DNAJC3: variants seen among roughly 807,000 people sequenced by gnomAD.
DNAJC3 encodes dnaJ homolog subfamily C member 3.
DNAJC3 carries 38 observed loss-of-function variants against 68.6 expected under a neutral mutation model. The observed-to-expected ratio is 0.55, with a 90% CI of 0.43 to 0.73. The LOEUF is 0.73. Among genes scored for constraint, DNAJC3 ranks in the 30% least tolerant of loss-of-function variants. The pLI, the probability that DNAJC3 is intolerant of heterozygous loss-of-function variation, is 0.00. For synonymous variants in DNAJC3, 203 were observed against 204.0 expected (o/e 1.00, Z 0.04); for missense variants, 526 against 591.9 (o/e 0.89, Z 1.16).
At chr13:95,789,068 G>A (rs182654552) in intron 11 of DNAJC3, among the ~76,000 whole-genome samples, 10 of 152,318 alleles carry the variant, frequency 6.6e-5, no homozygotes, top group Non-Finnish European at 1.5e-5. Flanking sequence ...AGAGAGCAAA[G>A]CGAGACTTGG....
intron 1 of DNAJC3, 42 bp downstream of exon 1, chr13:95,677,379 C>G: frequency 6.5e-7 from 1 of 1,540,856 alleles, no homozygotes; most frequent in Non-Finnish European, 8.8e-7. Context: ...GGCTCCCGGA[C>G]CAGGCCCCCC....
intron 9 of DNAJC3, among the ~76,000 whole-genome samples, chr13:95,781,370 C>T (rs545949398): frequency 4.6e-5 from 7 of 152,064 alleles, no homozygotes; most frequent in Non-Finnish European, 7.3e-5. Flanking sequence ...TGAGGGTCCT[C>T]GGCCAAAGAT....
At chr13:95,693,279 T>C (rs1285259234) in intron 1 of DNAJC3, 1 of 152,258 alleles carries the variant, frequency 6.6e-6, no homozygotes, top group African/African-American at 2.4e-5. Flanking sequence ...CTTACAGGTA[T>C]GCCTTTCCTA....
intron 1 of DNAJC3, among the ~76,000 whole-genome samples, chr13:95,706,573 G>A (rs373252907): frequency 1.4e-4 from 21 of 152,300 alleles, no homozygotes; most frequent in East Asian, 1.4e-3. Context: ...AGTGGTTAGG[G>A]TGTGTCTTGA....
At chr13:95,747,073 C>A (rs527954670) in intron 4 of DNAJC3, among the ~76,000 whole-genome samples, 6 of 152,132 alleles carry the variant, frequency 3.9e-5, no homozygotes, top group Admixed American at 6.5e-5. Flanking sequence ...AAAAAAGCAA[C>A]GATAAATTTA....
intron 1 of DNAJC3, among the ~76,000 whole-genome samples, chr13:95,699,791 T>G (rs746866740): frequency 6.6e-6 from 1 of 152,226 alleles, no homozygotes; most frequent in Admixed American, 6.5e-5. Flanking sequence ...TCTGTTTGTA[T>G]TACATTTCTC....
At chr13:95,741,307 C>T (rs1566494151) in intron 4 of DNAJC3, among the ~76,000 whole-genome samples, 1 of 152,102 alleles carries the variant, frequency 6.6e-6, no homozygotes, top group East Asian at 1.9e-4. Context: ...AGTATAGTCT[C>T]CATATAATTT....
intron 2 of DNAJC3, among the ~76,000 whole-genome samples, chr13:95,716,446 TAGTC>T (rs892788953): frequency 4.7e-4 from 71 of 152,196 alleles, no homozygotes; most frequent in Admixed American, 6.5e-4. Flanking sequence ...CGGCTTGTGT[TAGTC>T]AGCTCAGTAG....
At chr13:95,764,404 G>A in intron 9 of DNAJC3, among the ~76,000 whole-genome samples, 1 of 145,642 alleles carries the variant, frequency 6.9e-6, no homozygotes, top group African/African-American at 2.6e-5. Flanking sequence ...TACTCGGTGT[G>A]TATAAAACAT....
intron 4 of DNAJC3, among the ~76,000 whole-genome samples, chr13:95,738,266 G>A (rs1265027222): frequency 1.3e-5 from 2 of 150,488 alleles, no homozygotes; most frequent in African/African-American, 2.5e-5. Flanking sequence ...TTTGGAATAG[G>A]TGTTGTGTGG....
intron 9 of DNAJC3, among the ~76,000 whole-genome samples, chr13:95,779,624 A>T (rs1883394867): frequency 6.6e-6 from 1 of 151,784 alleles, no homozygotes; most frequent in Non-Finnish European, 1.5e-5. Flanking sequence ...TGTCTATGAT[A>T]GTTTTGATTT....
chr13:95,789,549 C>G (rs1883703667), intron 11 of DNAJC3, among the ~76,000 whole-genome samples: 1 of 151,976 alleles, frequency 6.6e-6, no homozygotes, highest in Non-Finnish European at 1.5e-5. Context: ...TTTATCCAGT[C>G]TATCATTGAT....
At chr13:95,734,679 G>A (rs9590320) in intron 4 of DNAJC3, among the ~76,000 whole-genome samples, 6,850 of 152,094 alleles carry the variant, frequency 0.045, 295 homozygotes, top group East Asian at 0.14. Flanking sequence ...ACTTTATGGA[G>A]TTCTGTGTGT....
intron 1 of DNAJC3, chr13:95,693,699 A>G (rs1008807330): frequency 1.3e-5 from 2 of 152,158 alleles, no homozygotes; most frequent in African/African-American, 4.8e-5. Context: ...TTAGTCTTCT[A>G]ACTAATAATC....
intron 9 of DNAJC3, among the ~76,000 whole-genome samples, 186 bp from the exon 10 acceptor site, chr13:95,785,753 T>C (rs1438726813): frequency 2.0e-5 from 3 of 151,900 alleles, no homozygotes; most frequent in African/African-American, 7.3e-5. Context: ...CATGAGCCCC[T>C]GTGCCCGGCC....
rs144678713 is a variant in DNAJC3 at position 95,789,275 on chromosome 13, A to T, written c.1358-1598A>T. 4.5e-3 allele frequency among the ~76,000 whole-genome samples: 691 copies of T among 152,146 alleles called. 4 individuals are homozygous for T. The highest frequency in any genetic ancestry group is 0.016 in the African/African-American group (666 of 41,512). ...CACCCAGGTATTAAGTCTAGAACCC[A>T]TTAGTTATTATTCCTGATCCTCTCC... On this transcript the variant is annotated intron_variant, in intron 11 of 11. Coordinates refer to ENST00000602402, the MANE Select transcript of DNAJC3 (RefSeq NM_006260.5).
At chr13:95,748,557 T>A (rs1174386754) in intron 4 of DNAJC3, among the ~76,000 whole-genome samples, 1 of 152,240 alleles carries the variant, frequency 6.6e-6, no homozygotes, top group Middle Eastern at 3.2e-3. Flanking sequence ...GGCTCACGCC[T>A]GTAATCCCAG....
chr13:95,767,942 C>T (rs1231936569), intron 9 of DNAJC3, among the ~76,000 whole-genome samples: 1 of 151,408 alleles, frequency 6.6e-6, no homozygotes, highest in Admixed American at 6.6e-5. Context: ...TGACCTCATG[C>T]GATCCACCCG....
chr13:95,768,931 C>T (rs1293011716), intron 9 of DNAJC3, among the ~76,000 whole-genome samples: 2 of 152,196 alleles, frequency 1.3e-5, no homozygotes, highest in Non-Finnish European at 2.9e-5. Context: ...GCCGAGATCA[C>T]GCCATTGCAT....
Sources: allele counts gnomAD v4.1 joint callset (sites outside exome capture counted in the v4.1 genomes callset), GRCh38; gene constraint gnomAD v4.1.1; transcripts MANE v1.5; gene names NCBI Gene and HGNC (gene_info 2026-07-23, HGNC 2026-07-21).